Variants in ANXA11 observed in about 807,000 individuals in gnomAD.
The protein encoded by ANXA11 is annexin A11, also known as 56 kDa autoantigen.
ANXA11 carries 57 observed loss-of-function variants against 64.7 expected under a neutral mutation model. The ratio of observed to expected loss-of-function variants is 0.88; its 90% CI spans 0.71 to 1.10. The LOEUF is 1.10. ANXA11 is among the 50% of genes least tolerant of loss of function. ANXA11 has a pLI of 0.00. For missense variants in ANXA11, 675 were observed against 670.7 expected (o/e 1.01, Z -0.07); for synonymous variants, 260 against 265.2 (o/e 0.98, Z 0.19).
At chr10:80,187,402 C>T (rs1191365024) in intron 1 of ANXA11, among the ~76,000 whole-genome samples, 1 of 152,192 alleles carries the variant, frequency 6.6e-6, no homozygotes, top group Non-Finnish European at 1.5e-5. Context: ...AGTCTGCTGG[C>T]ACCTTCATCT....
At chr10:80,196,512 T>C (rs1840176983) in intron 1 of ANXA11, among the ~76,000 whole-genome samples, 1 of 152,050 alleles carries the variant, frequency 6.6e-6, no homozygotes, top group South Asian at 2.1e-4. Context: ...GGAGGACACA[T>C]CTAGGACATT....
At chr10:80,186,251 C>A (rs1846533856) in intron 1 of ANXA11, among the ~76,000 whole-genome samples, 1 of 150,962 alleles carries the variant, frequency 6.6e-6, no homozygotes, top group Admixed American at 6.6e-5. Context: ...GGACCCTGGG[C>A]TATTTGATAA....
chr10:80,166,897 TAAG>T lies in ANXA11; in HGVS notation c.734_736del (p.Ala245_Tyr246delinsAsp). The T allele has an allele frequency of 6.2e-7, 1 of 1,606,048 alleles. No homozygotes were observed. On this transcript the variant is annotated inframe_deletion, in exon 7 of 16. Transcript: ENST00000422982. ...CCCCACCCCGCAGCTCGCCTTGCCG[TAAG>T]CCGTCTTGAAGGAAAGTAGGATCTG...
chr10:80,161,490 A>G (rs1254528883), intron 12 of ANXA11, among the ~76,000 whole-genome samples: 1 of 151,794 alleles, frequency 6.6e-6, no homozygotes, highest in African/African-American at 2.4e-5. Context: ...CATGGAACAC[A>G]CTCTGCAGTG....
chr10:80,193,513 TAA>T (rs1846859743), intron 1 of ANXA11, among the ~76,000 whole-genome samples: 1 of 152,060 alleles, frequency 6.6e-6, no homozygotes, highest in Non-Finnish European at 1.5e-5. Flanking sequence ...TAAAGCACAA[TAA>T]AATAAGCATC....
At chr10:80,195,578 T>G (rs1846949219) in intron 1 of ANXA11, among the ~76,000 whole-genome samples, 1 of 152,230 alleles carries the variant, frequency 6.6e-6, no homozygotes, top group African/African-American at 2.4e-5. Context: ...CACCTCTGCT[T>G]AGGTGGTCCC....
chr10:80,152,021 T>A lies in ANXA11; in HGVS notation c.*3832A>T, dbSNP rs970620195. On this transcript the variant is annotated 3_prime_UTR_variant, in exon 16 of 16. Transcript: ENST00000422982. ...AGGTTTCTTTCTTAAATTTTGCACCTGAGACAAATGCCACCAGGACTAGGG... is the reference window on the plus strand; with the variant it reads ...AGGTTTCTTTCTTAAATTTTGCACCAGAGACAAATGCCACCAGGACTAGGG... The A allele has an allele frequency of 6.6e-6, 1 of 152,188 alleles. No homozygotes were observed. The highest frequency in any genetic ancestry group is 2.4e-5 in the African/African-American group (1 of 41,440). 9.4% of individuals were successfully genotyped at this position (152,188 alleles called of 1,614,324 possible). A position where few individuals can be genotyped will look rare whatever the true frequency, so the allele number is the denominator to read the frequency against.
chr10:80,174,072 T>C (rs558150846), intron 2 of ANXA11, among the ~76,000 whole-genome samples: 23 of 152,304 alleles, frequency 1.5e-4, no homozygotes, highest in African/African-American at 5.3e-4. Context: ...TTTGTTTGTT[T>C]GAGACAGGGT....
chr10:80,180,386 A>T (rs996193905), intron 1 of ANXA11, among the ~76,000 whole-genome samples: 3 of 152,210 alleles, frequency 2.0e-5, no homozygotes, highest in Non-Finnish European at 4.4e-5. Context: ...TGTCAGTGCC[A>T]TGCCTGGGAC....
At chr10:80,196,274 A>G (rs1030469471) in intron 1 of ANXA11, among the ~76,000 whole-genome samples, 3 of 152,144 alleles carry the variant, frequency 2.0e-5, no homozygotes, top group Admixed American at 2.0e-4. Context: ...AGAGCCAGAC[A>G]CTTTTTTTCT....
rs1470594015 is a variant in ANXA11 at position 80,155,764 on chromosome 10, G to C, written c.*89C>G. The C allele has an allele frequency of 4.1e-5, 53 of 1,279,290 alleles. No individual in the cohort carries two copies. Among genetic ancestry groups the C allele is most frequent in the Non-Finnish European group, 6.0e-5 (53 of 878,778 alleles). 79.2% of individuals were successfully genotyped at this position (1,279,290 alleles called of 1,614,324 possible). ...AGGACGGTGAATCTCGGGGCTATTT[G>C]TGGATTTGTTAGAAACAGACATTCT... is the stretch of plus-strand genomic sequence containing the variant. On this transcript the variant is annotated 3_prime_UTR_variant, in exon 16 of 16. Coordinates refer to ENST00000422982, the MANE Select transcript of ANXA11 (RefSeq NM_145868.2).
At chr10:80,190,537 C>A (rs533926944) in intron 1 of ANXA11, among the ~76,000 whole-genome samples, 43 of 142,074 alleles carry the variant, frequency 3.0e-4, no homozygotes, top group African/African-American at 1.1e-3. Flanking sequence ...CCAGGCCGGA[C>A]TGCAGTAGCC....
intron 11 of ANXA11, among the ~76,000 whole-genome samples, chr10:80,162,732 C>A (rs561986883): frequency 3.3e-5 from 5 of 151,290 alleles, no homozygotes; most frequent in South Asian, 2.1e-4. Flanking sequence ...AATGCCCTGC[C>A]GTGGATGACA....
At chr10:80,157,137 G>A in intron 15 of ANXA11, 1 of 968,098 alleles carries the variant, frequency 1.0e-6, no homozygotes, top group Non-Finnish European at 1.2e-6. Context: ...ATGGAGCTGG[G>A]GTTCAGGGAG....
chr10:80,172,656 C>T (rs1846023335), intron 3 of ANXA11, 151 bp downstream of exon 3: 2 of 763,230 alleles, frequency 2.6e-6, no homozygotes, highest in Non-Finnish European at 4.4e-6. Context: ...CCTCGGCTGG[C>T]TGTCCCACTA....
chr10:80,161,168 G>A (rs1454018893), intron 12 of ANXA11, among the ~76,000 whole-genome samples: 1 of 152,250 alleles, frequency 6.6e-6, no homozygotes. Flanking sequence ...GAAGTCATCA[G>A]CAGGGCCCTC....
At chr10:80,157,314 G>A in intron 15 of ANXA11, 1 of 985,434 alleles carries the variant, frequency 1.0e-6, no homozygotes, top group Non-Finnish European at 1.2e-6. Context: ...GCTCCACAGA[G>A]CCTTTGGGAC....
chr10:80,153,963 G>T lies in ANXA11; in HGVS notation c.*1890C>A, dbSNP rs1009491351. The T allele has an allele frequency of 6.6e-5, 10 of 152,216 alleles. No homozygotes were observed. The highest frequency in any genetic ancestry group is 2.4e-4 in the African/African-American group (10 of 41,444). The allele number at this position is 152,216 out of a possible 1,614,324, so 9.4% of individuals were successfully genotyped here. A position where few individuals can be genotyped will look rare whatever the true frequency, so the allele number is the denominator to read the frequency against. ...TTTGTTTTTTTCTCATTTGAGACAA[G>T]GTCTCGCTCTGTTGTCCAGGCTGGA... On this transcript the variant is annotated 3_prime_UTR_variant, in exon 16 of 16. Coordinates refer to ENST00000422982, the MANE Select transcript of ANXA11 (RefSeq NM_145868.2).
intron 1 of ANXA11, among the ~76,000 whole-genome samples, chr10:80,193,199 C>T (rs779868661): frequency 1.3e-5 from 2 of 152,072 alleles, no homozygotes; most frequent in Non-Finnish European, 1.5e-5. Flanking sequence ...TGCACAGCAT[C>T]GAACAATACA....
Sources: gnomAD v4.1 joint callset for allele counts (sites outside exome capture counted in the v4.1 genomes callset) on GRCh38, gnomAD v4.1.1 for gene constraint, MANE v1.5 for transcripts, NCBI Gene and HGNC (gene_info 2026-07-23, HGNC 2026-07-21) for gene names.